SSBP2: variants seen among roughly 807,000 people sequenced by gnomAD.
SSBP2 encodes the protein single-stranded DNA-binding protein 2.
In SSBP2, 17 loss-of-function variants were observed where a neutral mutation model predicts 61.8. That is an observed-to-expected ratio of 0.28 (90% CI 0.19 to 0.41). SSBP2 has a LOEUF of 0.41. Ranked by LOEUF, SSBP2 falls within the 10% of genes least tolerant of loss-of-function variation. SSBP2 has a pLI of 1.00. For synonymous variants in SSBP2, 139 were observed against 141.3 expected, an observed-to-expected ratio of 0.98 and a Z score of 0.12; for missense variants, 310 against 458.7, an observed-to-expected ratio of 0.68 and a Z score of 2.96.
intron 4 of SSBP2, among the ~76,000 whole-genome samples, chr5:81,537,762 T>C (rs1000842959): frequency 6.6e-6 from 1 of 152,058 alleles, no homozygotes; most frequent in Non-Finnish European, 1.5e-5. Flanking sequence ...CATAGATGGG[T>C]GTGTTCTGAG....
intron 1 of SSBP2, among the ~76,000 whole-genome samples, chr5:81,733,483 T>C (rs1244749296): frequency 1.3e-5 from 2 of 152,036 alleles, no homozygotes; most frequent in Admixed American, 6.5e-5. Flanking sequence ...CGGAAACTCA[T>C]TGGTCTTAAC....
Position 81,661,739 on chromosome 5 carries a change from G to T in SSBP2, c.63-11400C>A, listed in dbSNP as rs149500240. Among the ~76,000 whole-genome samples the T allele has an allele frequency of 2.7e-3, 414 of 152,032 alleles. 2 individuals are homozygous for T. The highest frequency in any genetic ancestry group is 9.5e-3 in the African/African-American group (394 of 41,478). On this transcript the variant is annotated intron_variant, in intron 1 of 16. Coordinates refer to ENST00000320672, the MANE Select transcript of SSBP2 (RefSeq NM_012446.5). Reference sequence around the variant, plus strand: ...TGTCTGAATTCCTTTACATATTTTTGATATTAACCCCTTATCAGGGTTTGG... The same window carrying T: ...TGTCTGAATTCCTTTACATATTTTTTATATTAACCCCTTATCAGGGTTTGG...
chr5:81,536,005 T>C (rs566415618), intron 4 of SSBP2, among the ~76,000 whole-genome samples: 5 of 151,956 alleles, frequency 3.3e-5, no homozygotes, highest in Admixed American at 3.3e-4. Flanking sequence ...ATCTGATAAA[T>C]AACTGTTACA....
At chr5:81,540,546 G>A (rs979122094) in intron 4 of SSBP2, among the ~76,000 whole-genome samples, 4 of 152,078 alleles carry the variant, frequency 2.6e-5, no homozygotes, top group East Asian at 1.9e-4. Flanking sequence ...GTCTTCTTTC[G>A]AGAAATGTCT....
At position 81,483,967 on chromosome 5, in the gene SSBP2, C is replaced by T. The variant is rs565857675; in HGVS notation, c.432+5283G>A. On this transcript the variant is annotated intron_variant, in intron 6 of 16. Transcript: ENST00000320672. ...CTAAAACTACTGCATATGATAAATGCAGGTATAAAATATTTCCATCATCCC... is the reference window on the plus strand; with the variant it reads ...CTAAAACTACTGCATATGATAAATGTAGGTATAAAATATTTCCATCATCCC... Among the ~76,000 whole-genome samples, 3 of 152,254 alleles carry T rather than the reference C, an allele frequency of 2.0e-5. No homozygotes were observed. The South Asian group carries it at 6.2e-4, about 32-fold the overall frequency.
intron 4 of SSBP2, among the ~76,000 whole-genome samples, chr5:81,583,816 C>A (rs1421952050): frequency 6.6e-6 from 1 of 152,156 alleles, no homozygotes; most frequent in East Asian, 1.9e-4. Flanking sequence ...GTTTACCCGT[C>A]AAATGCCAAT....
chr5:81,741,007 C>CA (rs1205985450), intron 1 of SSBP2, among the ~76,000 whole-genome samples: 1 of 152,160 alleles, frequency 6.6e-6, no homozygotes, highest in African/African-American at 2.4e-5. Context: ...ACTTCCATTA[C>CA]AATTTTTCCG....
chr5:81,537,208 G>T (rs1014892029), intron 4 of SSBP2, among the ~76,000 whole-genome samples: 3 of 152,028 alleles, frequency 2.0e-5, no homozygotes, highest in African/African-American at 7.2e-5. Context: ...TTTTGGGGGG[G>T]ATTTCTGTGA....
At chr5:81,476,985 G>GGT (rs1432942769) in intron 6 of SSBP2, among the ~76,000 whole-genome samples, 2 of 151,812 alleles carry the variant, frequency 1.3e-5, no homozygotes, top group Admixed American at 6.6e-5. Context: ...GAAGCCTTCA[G>GGT]GTGTGTGTGT....
At chr5:81,429,378 G>A (rs949646387) in intron 15 of SSBP2, among the ~76,000 whole-genome samples, 1 of 152,008 alleles carries the variant, frequency 6.6e-6, no homozygotes, top group Non-Finnish European at 1.5e-5. Context: ...CAATCTAATC[G>A]AACACCAAGT....
chr5:81,420,743 A>C (rs1761554709), intron 16 of SSBP2, among the ~76,000 whole-genome samples: 1 of 152,222 alleles, frequency 6.6e-6, no homozygotes, highest in Admixed American at 6.5e-5. Flanking sequence ...TTTCCCCTGG[A>C]AAGCATCAAG....
intron 5 of SSBP2, among the ~76,000 whole-genome samples, chr5:81,491,926 C>T (rs980083943): frequency 2.6e-5 from 4 of 152,124 alleles, no homozygotes; most frequent in African/African-American, 9.7e-5. Flanking sequence ...ATCTAGATAA[C>T]CACCTAAGTC....
At chr5:81,435,959 G>A (rs752782104) in intron 15 of SSBP2, among the ~76,000 whole-genome samples, 7 of 151,980 alleles carry the variant, frequency 4.6e-5, no homozygotes, top group Non-Finnish European at 1.0e-4. Flanking sequence ...AGGCCGAGAC[G>A]GGTAGATCAC....
At chr5:81,727,595 T>C (rs1370207022) in intron 1 of SSBP2, among the ~76,000 whole-genome samples, 1 of 152,158 alleles carries the variant, frequency 6.6e-6, no homozygotes, top group Non-Finnish European at 1.5e-5. Flanking sequence ...TGACTACAAC[T>C]ATTAGGCACT....
At chr5:81,488,441 G>C (rs941623035) in intron 6 of SSBP2, among the ~76,000 whole-genome samples, 1 of 151,902 alleles carries the variant, frequency 6.6e-6, no homozygotes, top group Non-Finnish European at 1.5e-5. Flanking sequence ...ATATCTCATT[G>C]TGATTTTGAT....
intron 5 of SSBP2, among the ~76,000 whole-genome samples, chr5:81,492,669 C>T (rs1366806292): frequency 4.0e-5 from 6 of 151,638 alleles, no homozygotes; most frequent in African/African-American, 1.5e-4. Context: ...GGAAAAAAGC[C>T]TTCCCCAGAA....
At chr5:81,723,225 C>A (rs1220538033) in intron 1 of SSBP2, among the ~76,000 whole-genome samples, 2 of 151,896 alleles carry the variant, frequency 1.3e-5, no homozygotes, top group Non-Finnish European at 2.9e-5. Context: ...ATAACTTCTT[C>A]CCAAATTGTT....
intron 3 of SSBP2, among the ~76,000 whole-genome samples, chr5:81,630,405 C>A (rs368877572): frequency 6.6e-6 from 1 of 152,086 alleles, no homozygotes; most frequent in African/African-American, 2.4e-5. Flanking sequence ...AAGATGAGAT[C>A]CATAGCTCTC....
chr5:81,595,863 T>C (rs1009167410), intron 4 of SSBP2, among the ~76,000 whole-genome samples: 8 of 152,168 alleles, frequency 5.3e-5, no homozygotes, highest in African/African-American at 1.7e-4. Flanking sequence ...GAGCTATCTA[T>C]GACAAACCCA....
Sources: gnomAD v4.1 joint callset for allele counts (sites outside exome capture counted in the v4.1 genomes callset) on GRCh38, gnomAD v4.1.1 for gene constraint, MANE v1.5 for transcripts, NCBI Gene and HGNC (gene_info 2026-07-23, HGNC 2026-07-21) for gene names.